The following WDR33 variants were observed in gnomAD, a reference collection of about 807,000 sequenced individuals.
WDR33 encodes WD repeat domain 33.
In WDR33, 47 loss-of-function variants were observed where a neutral mutation model predicts 164.9. That is an observed-to-expected ratio of 0.29 (90% confidence interval 0.23 to 0.36). The LOEUF is 0.36. WDR33 is among the 10% of genes least tolerant of loss of function. The pLI is 1.00. For synonymous variants in WDR33, 505 were observed against 589.0 expected (o/e 0.86, Z 2.06); for missense variants, 1,137 against 1,754.1 (o/e 0.65, Z 6.28).
Position 127,702,110 on chromosome 2 carries a change from C to A in WDR33, c.*4213G>T. The stretch of plus-strand genomic sequence containing the variant: ...GGCTGCTGCCCTGGGGCGGCGGCAC[C>A]GCGCTGCGCCTCGCACTGGGTCGCC... On this transcript the variant is annotated 3_prime_UTR_variant, in exon 22 of 22. Coordinates refer to ENST00000322313, the MANE Select transcript of WDR33 (RefSeq NM_018383.5). The A allele has an allele frequency of 5.8e-6, 7 of 1,216,404 alleles. No homozygotes were observed. Among genetic ancestry groups the A allele is most frequent in the Non-Finnish European group, 7.1e-6 (7 of 980,044 alleles). The allele number at this position is 1,216,404 out of a possible 1,614,324, so 75.4% of individuals were successfully genotyped here.
intron 7 of WDR33, among the ~76,000 whole-genome samples, chr2:127,750,145 C>A (rs1432903986): frequency 1.3e-5 from 2 of 152,030 alleles, no homozygotes; most frequent in Admixed American, 1.3e-4. Flanking sequence ...CTACCTCAGC[C>A]TCCCTGGTAT....
intron 1 of WDR33, among the ~76,000 whole-genome samples, chr2:127,781,471 G>A (rs1688365784): frequency 6.6e-6 from 1 of 152,084 alleles, no homozygotes; most frequent in South Asian, 2.1e-4. Flanking sequence ...TAAAACTGGA[G>A]GAAATCTAAA....
At chr2:127,740,620 C>G (rs1328723510) in intron 7 of WDR33, among the ~76,000 whole-genome samples, 2 of 152,098 alleles carry the variant, frequency 1.3e-5, no homozygotes, top group African/African-American at 4.8e-5. Flanking sequence ...TCCCCCAATG[C>G]CATGGATTAC....
Position 127,722,986 on chromosome 2 carries a change from T to C in WDR33, c.1350A>G (p.Leu450=), listed in dbSNP as rs369662163. ...TCTGTTCTTGTTCCATAGCTAATTT[T>C]AGTTGTTCTGGTATTCCCATTCCTG... is the stretch of plus-strand genomic sequence containing the variant. ...VIPGMGIPEQ[L]KLAMEQEQMG... The change falls in exon 13 of 22, where the codon CTA becomes CTG. Residue 450 remains leucine (L), a synonymous_variant. Transcript: ENST00000322313. This position sits in a 1 kb window ranked among gnomAD's most constrained non-coding sequence, Gnocchi z 5.1. 25 of 1,611,646 alleles carry C rather than the reference T, an allele frequency of 1.6e-5. No individual in the cohort carries two copies. Among genetic ancestry groups the C allele is most frequent in the Middle Eastern group, 1.6e-4 (1 of 6,066 alleles).
At chr2:127,758,604 T>C (rs79280743) in intron 7 of WDR33, among the ~76,000 whole-genome samples, 6,128 of 152,286 alleles carry the variant, frequency 0.04, 366 homozygotes, top group African/African-American at 0.13. Context: ...CGCTGAAACT[T>C]GTTAACTGAT....
rs560314390 is a variant in WDR33 at position 127,709,409 on chromosome 2, G to A, written c.3565+81C>T. 1.1e-4 allele frequency: 154 copies of A among 1,374,860 alleles called. 2 individuals carry two copies. The South Asian group carries it at 1.5e-3, about 13-fold the overall frequency. The allele number at this position is 1,374,860 out of a possible 1,614,324, so 85.2% of individuals were successfully genotyped here. ...GACATGAGCTGGAAAGAGGAGACCC[G>A]GTGCACCCCAGAGAGGGCCCTCAGA... On this transcript the variant is annotated intron_variant, in intron 20 of 21. Transcript: ENST00000322313. This position sits in a 1 kb window ranked among gnomAD's most constrained non-coding sequence, Gnocchi z 5.0.
intron 7 of WDR33, among the ~76,000 whole-genome samples, chr2:127,732,230 G>C (rs1211998520): frequency 1.3e-5 from 2 of 151,384 alleles, no homozygotes; most frequent in African/African-American, 2.4e-5. Flanking sequence ...ACTTAAGCTA[G>C]TAACCGTTTT....
intron 7 of WDR33, among the ~76,000 whole-genome samples, chr2:127,739,331 T>C (rs1193195187): frequency 6.6e-6 from 1 of 151,998 alleles, no homozygotes; most frequent in Non-Finnish European, 1.5e-5. Flanking sequence ...CCACTTACAG[T>C]CGACTATGAT....
At position 127,763,231 on chromosome 2, in the gene WDR33, G is replaced by A. The variant is rs1687729593; in HGVS notation, c.627-72C>T. 3.7e-6 allele frequency: 6 copies of A among 1,608,240 alleles called. No homozygotes were observed. The highest frequency in any genetic ancestry group is 4.2e-6 in the Non-Finnish European group (5 of 1,176,676). The stretch of plus-strand genomic sequence containing the variant: ...AGATAATCTGTGCTTCTCAGACAGG[G>A]AAAAATAAAAACACTGTGCTGCATT... On this transcript the variant is annotated intron_variant, in intron 6 of 21. Coordinates refer to ENST00000322313, the MANE Select transcript of WDR33 (RefSeq NM_018383.5). This position sits in a 1 kb window ranked among gnomAD's most constrained non-coding sequence, Gnocchi z 4.5.
intron 3 of WDR33, 122 bp from the exon 4 acceptor site, chr2:127,768,415 C>T: frequency 1.9e-6 from 1 of 527,296 alleles, no homozygotes; most frequent in South Asian, 3.8e-5. Flanking sequence ...AGAACTTTCC[C>T]ATAAAAACTA....
Position 127,735,729 on chromosome 2 carries a change from G to C in WDR33, c.725-8952C>G. On this transcript the variant is annotated intron_variant, in intron 7 of 21. Coordinates refer to ENST00000322313, the MANE Select transcript of WDR33 (RefSeq NM_018383.5). The surrounding 1 kb of genome is among the most constrained non-coding windows in gnomAD (Gnocchi z 4.3). ...CATAGCCAGATACTCCAGTTGGACA[G>C]AGGATTTAAGATTTTAAAAAATTAA... 2.0e-6 allele frequency: 2 copies of C among 985,586 alleles called. No individual in the cohort carries two copies. Among genetic ancestry groups the C allele is most frequent in the Non-Finnish European group, 2.4e-6 (2 of 829,934 alleles). The allele number at this position is 985,586 out of a possible 1,614,324, so 61.1% of individuals were successfully genotyped here.
rs537973561 is a variant in WDR33, at chr2:127,807,452, G to T, written c.-24+3560C>A. ...AACTGCCTAAAGCACAGTTTTGCACGTATCATCCCACTCAAGGATCTGCTC... is the reference window on the plus strand; with the variant it reads ...AACTGCCTAAAGCACAGTTTTGCACTTATCATCCCACTCAAGGATCTGCTC... On this transcript the variant is annotated intron_variant, in intron 1 of 21. Transcript: ENST00000322313. Among the ~76,000 whole-genome samples, 5 of 152,268 alleles carry T rather than the reference G, an allele frequency of 3.3e-5. No homozygotes were observed. In the East Asian group the frequency reaches 9.6e-4, roughly 29 times the overall value.
chr2:127,727,399 G>A (rs1025148492), intron 7 of WDR33, among the ~76,000 whole-genome samples: 2 of 152,140 alleles, frequency 1.3e-5, no homozygotes. Context: ...GCAGTGTAAT[G>A]AGCACTTATA....
At chr2:127,760,074 C>A (rs189548028) in intron 7 of WDR33, among the ~76,000 whole-genome samples, 13 of 152,154 alleles carry the variant, frequency 8.5e-5, no homozygotes, top group Admixed American at 6.5e-4. Context: ...TGTAAGGAAG[C>A]AGGTTTCTGA....
intron 1 of WDR33, among the ~76,000 whole-genome samples, chr2:127,806,805 C>A (rs968487499): frequency 6.6e-6 from 1 of 151,696 alleles, no homozygotes; most frequent in African/African-American, 2.4e-5. Context: ...TGTAGAAAAG[C>A]GTAGGAAAAA....
In WDR33 at chr2:127,710,525, G is replaced by C. The variant is rs1227123099; in HGVS notation, c.3309-669C>G. Among the ~76,000 whole-genome samples, 1 of 152,168 alleles carries C rather than the reference G, an allele frequency of 6.6e-6. No homozygotes were observed. The highest frequency in any genetic ancestry group is 1.5e-5 in the Non-Finnish European group (1 of 68,024). On this transcript the variant is annotated intron_variant, in intron 18 of 21. Coordinates refer to ENST00000322313, the MANE Select transcript of WDR33 (RefSeq NM_018383.5). The surrounding 1 kb of genome is among the most constrained non-coding windows in gnomAD (Gnocchi z 4.4). ...CTGATGGGCACACAGGTCAGCATCT[G>C]GTTTACAGGCAGCGATCCACTGGCT...
chr2:127,744,012 C>CT (rs1343043212), intron 7 of WDR33, among the ~76,000 whole-genome samples: 1 of 152,132 alleles, frequency 6.6e-6, no homozygotes, highest in Non-Finnish European at 1.5e-5. Context: ...CTCTATGGGG[C>CT]TGGAGGAAAG....
Position 127,703,039 on chromosome 2 carries a change from C to CT in WDR33, c.*3283dup. The CT allele has an allele frequency of 6.0e-6, 1 of 167,094 alleles. No individual in the cohort carries two copies. The highest frequency in any genetic ancestry group is 1.9e-4 in the East Asian group (1 of 5,186). 10.4% of individuals were successfully genotyped at this position (167,094 alleles called of 1,614,324 possible). On this transcript the variant is annotated 3_prime_UTR_variant, in exon 22 of 22. Transcript: ENST00000322313. ...GGCTGATCTTAAGATTTTTTTATAT[C>CT]TAATTGCTGCTGCCTTCATTTTAGG...
At chr2:127,805,085 T>C (rs1384062271) in intron 1 of WDR33, among the ~76,000 whole-genome samples, 4 of 138,896 alleles carry the variant, frequency 2.9e-5, no homozygotes, top group African/African-American at 8.2e-5. Flanking sequence ...TTTTTTTTTT[T>C]TTTTTTTTTT....
Sources: allele counts gnomAD v4.1 joint callset (sites outside exome capture counted in the v4.1 genomes callset), GRCh38; gene constraint gnomAD v4.1.1; non-coding constraint Gnocchi (gnomAD v3.1); transcripts MANE v1.5; gene names NCBI Gene and HGNC (gene_info 2026-07-23, HGNC 2026-07-21).